The following EPM2A variants were observed in gnomAD, a reference collection of about 807,000 sequenced individuals.
EPM2A encodes EPM2A glucan phosphatase, laforin.
A neutral mutation model predicts 26.5 loss-of-function variants in EPM2A; 21 were observed. That is an observed-to-expected ratio of 0.79 (90% CI 0.56 to 1.14). The LOEUF (loss-of-function observed/expected upper bound fraction) is 1.14, where lower values mean the gene tolerates loss of function less well. Ranked by LOEUF, EPM2A falls within the 50% of genes most tolerant of loss-of-function variation. EPM2A has a pLI of 0.00. For synonymous variants in EPM2A, 217 were observed against 177.6 expected (o/e 1.22, Z -1.76); for missense variants, 458 against 440.8 (o/e 1.04, Z -0.35).
At chr6:145,473,440 A>C (rs1239268171) in intron 4 of EPM2A, among the ~76,000 whole-genome samples, 3 of 152,110 alleles carry the variant, frequency 2.0e-5, no homozygotes, top group African/African-American at 7.2e-5. Context: ...GCCAAATCTA[A>C]GAGTTATTGA....
chr6:145,656,376 C>T (rs1161556992), intron 2 of EPM2A, among the ~76,000 whole-genome samples: 1 of 152,204 alleles, frequency 6.6e-6, no homozygotes, highest in African/African-American at 2.4e-5. Flanking sequence ...GAGAGACCTC[C>T]AGCAGTCCAC....
chr6:145,434,070 C>A (rs1221235942), intron 4 of EPM2A, among the ~76,000 whole-genome samples: 1 of 151,326 alleles, frequency 6.6e-6, no homozygotes, highest in African/African-American at 2.4e-5. Context: ...AGATATTTTC[C>A]TTGGGTATTG....
chr6:145,517,255 C>T (rs1341730781), intron 2 of EPM2A, among the ~76,000 whole-genome samples: 1 of 152,112 alleles, frequency 6.6e-6, no homozygotes, highest in African/African-American at 2.4e-5. Flanking sequence ...TGATTAAGTT[C>T]TAGAGATCTG....
At chr6:145,542,643 C>T (rs1582838702) in intron 2 of EPM2A, among the ~76,000 whole-genome samples, 2 of 152,260 alleles carry the variant, frequency 1.3e-5, no homozygotes, top group Admixed American at 6.5e-5. Flanking sequence ...AGCCAGGGAC[C>T]CTTGTTAGTC....
At chr6:145,622,349 CT>C (rs1775655623), downstream of EPM2A, among the ~76,000 whole-genome samples, 1 of 152,174 alleles carries the variant, frequency 6.6e-6, no homozygotes, top group Non-Finnish European at 1.5e-5. Context: ...CCCCTCCAAT[CT>C]GCCTGGTTTC....
chr6:145,692,394 A>G (rs935976122), intron 1 of EPM2A, among the ~76,000 whole-genome samples: 1 of 152,074 alleles, frequency 6.6e-6, no homozygotes, highest in Admixed American at 6.5e-5. Context: ...TACAGCACCC[A>G]ATATAGCAGA....
intron 2 of EPM2A, among the ~76,000 whole-genome samples, chr6:145,581,374 C>A (rs573996822): frequency 1.3e-5 from 2 of 151,920 alleles, no homozygotes; most frequent in African/African-American, 4.8e-5. Context: ...TTTTTAAGTT[C>A]CTTATAGATT....
At chr6:145,715,696 A>C (rs735536) in intron 1 of EPM2A, among the ~76,000 whole-genome samples, 82,136 of 151,154 alleles carry the variant, frequency 0.54, 22,827 homozygotes, top group East Asian at 0.74. Flanking sequence ...GTAGATTCTC[A>C]TAGGAGTGCA....
At chr6:145,695,092 G>A (rs1041703513) in intron 1 of EPM2A, among the ~76,000 whole-genome samples, 5 of 151,962 alleles carry the variant, frequency 3.3e-5, no homozygotes, top group Non-Finnish European at 5.9e-5. Context: ...AAAAACAACT[G>A]TGGCTTTGAT....
chr6:145,667,802 G>A (rs1378566213), intron 2 of EPM2A, among the ~76,000 whole-genome samples: 1 of 140,292 alleles, frequency 7.1e-6, no homozygotes, highest in Non-Finnish European at 1.5e-5. Flanking sequence ...AAGAAAATGT[G>A]GCACATATAC....
chr6:145,601,988 A>C lies in EPM2A; in HGVS notation c.340+33257T>G, dbSNP rs190269109. On this transcript the variant is annotated intron_variant, in intron 2 of 3. Transcript: ENST00000450221. ...TTGAAAAAGTTGACAAATTACTAAC[A>C]TACATTTTTAATTAAATGACTTCTT... Among the ~76,000 whole-genome samples, 661 of 152,322 alleles carry C rather than the reference A, an allele frequency of 4.3e-3. 3 individuals carry two copies. The highest frequency in any genetic ancestry group is 7.8e-3 in the Non-Finnish European group (530 of 68,008).
chr6:145,488,816 T>C (rs1440854241), intron 4 of EPM2A, among the ~76,000 whole-genome samples: 1 of 152,172 alleles, frequency 6.6e-6, no homozygotes, highest in Non-Finnish European at 1.5e-5. Flanking sequence ...TCAATCAAAA[T>C]AAAGTTTACC....
intron 4 of EPM2A, among the ~76,000 whole-genome samples, chr6:145,419,206 C>A (rs1406690447): frequency 7.1e-6 from 1 of 141,072 alleles, no homozygotes; most frequent in Non-Finnish European, 1.5e-5. Context: ...CTTTCCCCAG[C>A]AGCGCATGGC....
At chr6:145,610,137 C>A (rs932549997) in intron 2 of EPM2A, among the ~76,000 whole-genome samples, 2 of 151,870 alleles carry the variant, frequency 1.3e-5, no homozygotes, top group African/African-American at 4.8e-5. Flanking sequence ...CTGCTTAAAC[C>A]CGGGAGGAGG....
chr6:145,651,514 CTT>C (rs1284955651), intron 2 of EPM2A, among the ~76,000 whole-genome samples: 2 of 152,200 alleles, frequency 1.3e-5, no homozygotes, highest in Non-Finnish European at 2.9e-5. Context: ...TCCTGAGAGT[CTT>C]TTCCTCTACT....
chr6:145,495,417 A>G (rs1000793740), intron 4 of EPM2A, among the ~76,000 whole-genome samples: 1 of 151,906 alleles, frequency 6.6e-6, no homozygotes, highest in Non-Finnish European at 1.5e-5. Context: ...AAGACAACAT[A>G]CTGATGGGTC....
At position 145,626,035 on chromosome 6, in the gene EPM2A, T is replaced by G. The variant is rs1287057397; in HGVS notation, c.*1381A>C. On this transcript the variant is annotated 3_prime_UTR_variant, in exon 4 of 4. Coordinates refer to ENST00000367519, the MANE Select transcript of EPM2A (RefSeq NM_005670.4). ...GACCTTAGTTTCCCCATCTTTATCATGGAGATAATGAGACCTTCTTCATTG... is the reference window on the plus strand; with the variant it reads ...GACCTTAGTTTCCCCATCTTTATCAGGGAGATAATGAGACCTTCTTCATTG... 6 of 1,126,178 alleles carry G rather than the reference T, an allele frequency of 5.3e-6. No homozygotes were observed. Among genetic ancestry groups the G allele is most frequent in the Non-Finnish European group, 5.7e-6 (5 of 880,812 alleles). The allele number at this position is 1,126,178 out of a possible 1,614,324, so 69.8% of individuals were successfully genotyped here.
chr6:145,536,600 T>C (rs976517515), intron 2 of EPM2A, among the ~76,000 whole-genome samples: 1 of 152,066 alleles, frequency 6.6e-6, no homozygotes, highest in African/African-American at 2.4e-5. Flanking sequence ...CCTGGCCCCT[T>C]CCCCAGGTTT....
At chr6:145,389,322 T>C (rs1370328140) in intron 4 of EPM2A, among the ~76,000 whole-genome samples, 3 of 152,020 alleles carry the variant, frequency 2.0e-5, no homozygotes, top group Non-Finnish European at 2.9e-5. Context: ...CCTAAGTAGT[T>C]GGGATTACAG....
Sources: allele counts gnomAD v4.1 joint callset (sites outside exome capture counted in the v4.1 genomes callset), GRCh38; gene constraint gnomAD v4.1.1; transcripts MANE v1.5; gene names NCBI Gene and HGNC (gene_info 2026-07-23, HGNC 2026-07-21).